KATNIP: variants seen among roughly 807,000 people sequenced by gnomAD.
KATNIP encodes katanin interacting protein, also known as katanin-interacting protein.
KATNIP carries 126 observed loss-of-function variants against 174.0 expected under a neutral mutation model. That is an observed-to-expected ratio of 0.72 (90% CI 0.63 to 0.84). The LOEUF is 0.84. Ranked by LOEUF, KATNIP falls within the 40% of genes least tolerant of loss-of-function variation. The pLI, the probability that KATNIP is intolerant of heterozygous loss-of-function variation, is 0.00. For missense variants in KATNIP, 1,958 were observed against 2,109.7 expected (o/e 0.93, Z 1.41); for synonymous variants, 810 against 835.7 (o/e 0.97, Z 0.53).
At chr16:27,635,656 G>C (rs1379104428) in intron 5 of KATNIP, among the ~76,000 whole-genome samples, 1 of 152,068 alleles carries the variant, frequency 6.6e-6, no homozygotes, top group Non-Finnish European at 1.5e-5. Context: ...AGCTCGGGCT[G>C]TGAAGACATG....
chr16:27,590,340 CTT>C (rs965946959), intron 2 of KATNIP, among the ~76,000 whole-genome samples: 1 of 144,188 alleles, frequency 6.9e-6, no homozygotes. Flanking sequence ...TTCTTTCTTT[CTT>C]TTTTTTTTTA....
intron 23 of KATNIP, among the ~76,000 whole-genome samples, chr16:27,774,026 A>T (rs1490152652): frequency 6.6e-6 from 1 of 152,194 alleles, no homozygotes; most frequent in Non-Finnish European, 1.5e-5. Flanking sequence ...GTGAGTGTCC[A>T]GACACCAGCT....
intron 8 of KATNIP, among the ~76,000 whole-genome samples, chr16:27,695,514 A>G (rs1185587570): frequency 6.6e-6 from 1 of 152,156 alleles, no homozygotes; most frequent in Non-Finnish European, 1.5e-5. Flanking sequence ...TCCACACTCC[A>G]GATCTCCCTT....
At chr16:27,616,056 C>A (rs1239074061) in intron 2 of KATNIP, among the ~76,000 whole-genome samples, 1 of 152,114 alleles carries the variant, frequency 6.6e-6, no homozygotes, top group Non-Finnish European at 1.5e-5. Flanking sequence ...GTTAATCCTC[C>A]CCTTGGCAAC....
Position 27,698,505 on chromosome 16 carries a change from G to A in KATNIP, c.1113+5G>A, listed in dbSNP as rs149033392. 1.0e-3 allele frequency: 1,624 copies of A among 1,600,244 alleles called. 25 individuals are homozygous for A. In the African/African-American group the frequency reaches 0.02, roughly 19 times the overall value. On this transcript the variant is annotated splice_donor_5th_base_variant and intron_variant, in intron 9 of 27. Transcript: ENST00000261588. The stretch of plus-strand genomic sequence containing the variant: ...CAGCCAGCCAGCCCACTGCAGGTGC[G>A]CTCCGGGCTGGGAGAGGAACCGGGG...
At chr16:27,622,957 C>T (rs959552892) in intron 3 of KATNIP, among the ~76,000 whole-genome samples, 36 of 152,076 alleles carry the variant, frequency 2.4e-4, no homozygotes, top group Non-Finnish European at 1.9e-4. Flanking sequence ...CTCCGTCCTC[C>T]ACACTCACCT....
chr16:27,694,033 G>A (rs1022586396), intron 8 of KATNIP, among the ~76,000 whole-genome samples: 1 of 152,202 alleles, frequency 6.6e-6, no homozygotes, highest in Non-Finnish European at 1.5e-5. Context: ...GTGACACTGA[G>A]ATGGTTCTTG....
chr16:27,613,981 A>G (rs527839577), intron 2 of KATNIP, among the ~76,000 whole-genome samples: 165 of 152,146 alleles, frequency 1.1e-3, no homozygotes, highest in South Asian at 1.9e-3. Flanking sequence ...CAGTGACACA[A>G]TCATAGCTCA....
intron 21 of KATNIP, among the ~76,000 whole-genome samples, chr16:27,770,263 C>T (rs1433419856): frequency 6.6e-6 from 1 of 152,214 alleles, no homozygotes; most frequent in East Asian, 1.9e-4. Flanking sequence ...TGCTTCATTG[C>T]GTTTCCTGCT....
intron 17 of KATNIP, among the ~76,000 whole-genome samples, chr16:27,753,162 C>T (rs1042298576): frequency 6.6e-6 from 1 of 152,042 alleles, no homozygotes; most frequent in African/African-American, 2.4e-5. Context: ...CTAAGGAAAG[C>T]GGCCACCAAG....
Position 27,648,458 on chromosome 16 carries a change from C to T in KATNIP, c.409-146C>T, listed in dbSNP as rs549019410. On this transcript the variant is annotated intron_variant, in intron 5 of 27. Coordinates refer to ENST00000261588, the MANE Select transcript of KATNIP (RefSeq NM_015202.5). Reference sequence around the variant, plus strand: ...GGCCTGTGGCCCATGCTCATCATGACACCACTGCTGTTGCATGCAGGCACA... The same window carrying T: ...GGCCTGTGGCCCATGCTCATCATGATACCACTGCTGTTGCATGCAGGCACA... 21 of 911,256 alleles carry T rather than the reference C, an allele frequency of 2.3e-5. No homozygotes were observed. The Admixed American group carries it at 3.5e-4, about 15-fold the overall frequency. 56.4% of individuals were successfully genotyped at this position (911,256 alleles called of 1,614,324 possible). A position where few individuals can be genotyped will look rare whatever the true frequency, so the allele number is the denominator to read the frequency against.
intron 14 of KATNIP, among the ~76,000 whole-genome samples, chr16:27,722,904 C>G (rs1272378332): frequency 6.6e-6 from 1 of 152,218 alleles, no homozygotes; most frequent in Non-Finnish European, 1.5e-5. Flanking sequence ...AACCACCATA[C>G]AATTCAAACA....
At chr16:27,601,475 T>G (rs1057375073) in intron 2 of KATNIP, among the ~76,000 whole-genome samples, 6 of 151,970 alleles carry the variant, frequency 3.9e-5, no homozygotes, top group African/African-American at 1.5e-4. Context: ...ATTTACTTAT[T>G]ATAGAGACGG....
chr16:27,571,518 C>G (rs902918209), intron 1 of KATNIP, among the ~76,000 whole-genome samples: 6 of 152,166 alleles, frequency 3.9e-5, no homozygotes, highest in Admixed American at 3.3e-4. Flanking sequence ...GTCACTTGTC[C>G]CTCAGGACCA....
At chr16:27,624,303 C>T (rs1454157909) in intron 3 of KATNIP, among the ~76,000 whole-genome samples, 3 of 152,182 alleles carry the variant, frequency 2.0e-5, no homozygotes, top group Non-Finnish European at 4.4e-5. Flanking sequence ...ACCACCCCAG[C>T]CCCAGCCATG....
At chr16:27,756,418 G>T (rs1463340163) in intron 18 of KATNIP, among the ~76,000 whole-genome samples, 1 of 152,206 alleles carries the variant, frequency 6.6e-6, no homozygotes, top group Non-Finnish European at 1.5e-5. Flanking sequence ...AACACTCCTA[G>T]CTCTGTTTTC....
Position 27,766,345 on chromosome 16 carries a change from G to A in KATNIP, c.3846G>A (p.Glu1282=), listed in dbSNP as rs561119573. The change falls in exon 20 of 28, where the codon GAG becomes GAA. Residue 1282 remains glutamate (E), a synonymous_variant. Coordinates refer to ENST00000261588, the MANE Select transcript of KATNIP (RefSeq NM_015202.5). ...IDGTNITMED[E]HMWLIPFSPG... is the part of the protein sequence containing the mutation. Reference sequence around the variant, plus strand: ...GCACCAACATCACCATGGAGGATGAGCATATGTGGCTGATCCCCTTCTCGC... The same window carrying A: ...GCACCAACATCACCATGGAGGATGAACATATGTGGCTGATCCCCTTCTCGC... 1.9e-6 allele frequency: 3 copies of A among 1,614,194 alleles called. No homozygotes were observed. Among genetic ancestry groups the A allele is most frequent in the African/African-American group, 1.3e-5 (1 of 75,070 alleles).
At chr16:27,660,273 C>T (rs1314493446) in intron 6 of KATNIP, among the ~76,000 whole-genome samples, 1 of 152,094 alleles carries the variant, frequency 6.6e-6, no homozygotes, top group Non-Finnish European at 1.5e-5. Flanking sequence ...GTGGATTGGC[C>T]GGCAGTGGCT....
intron 2 of KATNIP, among the ~76,000 whole-genome samples, chr16:27,586,866 A>T (rs1166408270): frequency 6.6e-6 from 1 of 151,242 alleles, no homozygotes; most frequent in East Asian, 1.9e-4. Context: ...ACAGAAACTG[A>T]AATAAGTATA....
Sources: allele counts gnomAD v4.1 joint callset (sites outside exome capture counted in the v4.1 genomes callset), GRCh38; gene constraint gnomAD v4.1.1; transcripts MANE v1.5; gene names NCBI Gene and HGNC (gene_info 2026-07-23, HGNC 2026-07-21).